The following PDE8B variants were observed in gnomAD, a reference collection of about 807,000 sequenced individuals.
The protein encoded by PDE8B is high affinity cAMP-specific and IBMX-insensitive 3',5'-cyclic phosphodiesterase 8B.
In PDE8B, 26 loss-of-function variants were observed where a neutral mutation model predicts 101.3. The observed-to-expected ratio is 0.26, with a 90% CI of 0.19 to 0.36. The LOEUF is 0.36. PDE8B is among the 10% of genes least tolerant of loss of function. PDE8B has a pLI of 1.00. For missense variants in PDE8B, 810 were observed against 1,163.1 expected (o/e 0.70, Z 4.42); for synonymous variants, 424 against 429.3 (o/e 0.99, Z 0.15).
the PDE8B span, among the ~76,000 whole-genome samples, chr5:77,170,868 CATTT>C: frequency 6.6e-6 from 1 of 152,166 alleles, no homozygotes; most frequent in Non-Finnish European, 1.5e-5. Flanking sequence ...TTCATTCATT[CATTT>C]AGTCAGTCAA....
At chr5:77,182,929 A>G in the PDE8B span, among the ~76,000 whole-genome samples, 3 of 151,790 alleles carry the variant, frequency 2.0e-5, no homozygotes, top group Non-Finnish European at 2.9e-5. Flanking sequence ...TTTTTTTACT[A>G]GATAATTATT....
the PDE8B span, among the ~76,000 whole-genome samples, chr5:77,181,203 T>C: frequency 6.6e-6 from 1 of 151,624 alleles, no homozygotes; most frequent in South Asian, 2.1e-4. Context: ...TGGGAAGGGA[T>C]GTTTGGAGGT....
At chr5:77,193,482 C>G in the PDE8B span, among the ~76,000 whole-genome samples, 1 of 152,044 alleles carries the variant, frequency 6.6e-6, no homozygotes, top group Non-Finnish European at 1.5e-5. Flanking sequence ...ATTAATTGAC[C>G]CTATATGCGT....
At chr5:77,277,595 A>G (rs1333070418) in intron 1 of PDE8B, among the ~76,000 whole-genome samples, 1 of 152,184 alleles carries the variant, frequency 6.6e-6, no homozygotes, top group Non-Finnish European at 1.5e-5. Flanking sequence ...AAGTAGCTAT[A>G]TTTTTAAAAT....
chr5:77,408,163 C>G (rs1452230069), intron 13 of PDE8B, among the ~76,000 whole-genome samples: 2 of 152,076 alleles, frequency 1.3e-5, no homozygotes, highest in South Asian at 2.1e-4. Flanking sequence ...ATGAATAGAT[C>G]AAGAAATATT....
At chr5:77,090,947 A>G in the PDE8B span, among the ~76,000 whole-genome samples, 8 of 152,274 alleles carry the variant, frequency 5.3e-5, no homozygotes, top group Non-Finnish European at 2.9e-5. Flanking sequence ...GTATTAGTGG[A>G]TCATATGGTA....
intron 20 of PDE8B, 135 bp downstream of exon 20, chr5:77,422,123 A>AC: frequency 1.0e-6 from 1 of 954,324 alleles, no homozygotes; most frequent in Non-Finnish European, 1.6e-6. Context: ...AAAGCAGCTT[A>AC]CCCCCACCTG....
At chr5:77,095,215 A>G in the PDE8B span, among the ~76,000 whole-genome samples, 1 of 152,204 alleles carries the variant, frequency 6.6e-6, no homozygotes, top group Non-Finnish European at 1.5e-5. Flanking sequence ...CACTCTCATA[A>G]TAAGCAGATG....
At chr5:77,273,460 G>T (rs1406069450) in intron 1 of PDE8B, among the ~76,000 whole-genome samples, 1 of 152,220 alleles carries the variant, frequency 6.6e-6, no homozygotes, top group East Asian at 1.9e-4. Flanking sequence ...ATGCAGTTAT[G>T]AACTAGCAAT....
At chr5:77,131,117 C>G in the PDE8B span, 1 of 152,290 alleles carries the variant, frequency 6.6e-6, no homozygotes, top group African/African-American at 2.4e-5. Context: ...CAGAGCGATA[C>G]TCAGAGCTGT....
At chr5:77,267,371 C>T (rs967851002) in intron 1 of PDE8B, among the ~76,000 whole-genome samples, 3 of 149,704 alleles carry the variant, frequency 2.0e-5, no homozygotes, top group Non-Finnish European at 4.4e-5. Flanking sequence ...ACCTGGGAGG[C>T]GGAGGTCGCA....
intron 1 of PDE8B, among the ~76,000 whole-genome samples, chr5:77,258,289 CAAA>C (rs70988662): frequency 0.038 from 3,388 of 88,492 alleles, 48 homozygotes; most frequent in African/African-American, 0.048. Context: ...GACTCCATCT[CAAA>C]AAAAAAAAAA....
chr5:77,100,478 T>A, the PDE8B span: 2 of 152,376 alleles, frequency 1.3e-5, no homozygotes, highest in South Asian at 4.1e-4. Context: ...GGCAAACCAA[T>A]ATGACCAACA....
At chr5:77,315,391 C>A (rs1773590941) in intron 2 of PDE8B, among the ~76,000 whole-genome samples, 2 of 152,100 alleles carry the variant, frequency 1.3e-5, no homozygotes, top group African/African-American at 4.8e-5. Flanking sequence ...TGATTGTTTC[C>A]AGCTCCACTT....
chr5:77,337,516 T>C (rs1012539322), intron 6 of PDE8B, among the ~76,000 whole-genome samples: 2 of 152,198 alleles, frequency 1.3e-5, no homozygotes, highest in Admixed American at 6.5e-5. Context: ...AAGCATTTCT[T>C]CTTTTGACAG....
chr5:77,203,117 T>C, the PDE8B span, among the ~76,000 whole-genome samples: 1 of 152,206 alleles, frequency 6.6e-6, no homozygotes, highest in African/African-American at 2.4e-5. Context: ...CAAAATCATG[T>C]TATTCTCTTC....
intron 1 of PDE8B, among the ~76,000 whole-genome samples, chr5:77,243,372 C>T (rs774372203): frequency 6.6e-5 from 10 of 152,040 alleles, no homozygotes; most frequent in Admixed American, 6.5e-4. Context: ...GCTTTATATA[C>T]CATAAACTTT....
intron 1 of PDE8B, among the ~76,000 whole-genome samples, chr5:77,248,499 G>C (rs1340072802): frequency 2.0e-5 from 3 of 152,080 alleles, no homozygotes; most frequent in Non-Finnish European, 4.4e-5. Flanking sequence ...CCACAACACG[G>C]ATCATTGGCC....
At chr5:77,412,763 A>G (rs1794815941) in intron 16 of PDE8B, among the ~76,000 whole-genome samples, 1 of 152,038 alleles carries the variant, frequency 6.6e-6, no homozygotes, top group African/African-American at 2.4e-5. Context: ...CCTTAGGCTT[A>G]GTCACTTCCT....
Sources: allele counts gnomAD v4.1 joint callset (sites outside exome capture counted in the v4.1 genomes callset), GRCh38; gene constraint gnomAD v4.1.1; transcripts MANE v1.5; gene names NCBI Gene and HGNC (gene_info 2026-07-23, HGNC 2026-07-21).